Variants in GARNL3 observed in about 807,000 individuals in gnomAD.
GARNL3 encodes GTPase activating Rap/RanGAP domain like 3.
In GARNL3, 63 loss-of-function variants were observed where a neutral mutation model predicts 125.0. That is an observed-to-expected ratio of 0.50 (90% CI 0.41 to 0.62). The LOEUF is 0.62. Ranked by LOEUF, GARNL3 falls within the 20% of genes least tolerant of loss-of-function variation. The pLI, the probability that GARNL3 is intolerant of heterozygous loss-of-function variation, is 0.00. For synonymous variants in GARNL3, 439 were observed against 457.5 expected, an observed-to-expected ratio of 0.96 and a Z score of 0.52; for missense variants, 994 against 1,244.0, an observed-to-expected ratio of 0.80 and a Z score of 3.02.
chr9:127,365,705 G>A (rs1260975393), intron 22 of GARNL3, among the ~76,000 whole-genome samples: 6 of 152,100 alleles, frequency 3.9e-5, no homozygotes, highest in Non-Finnish European at 5.9e-5. Context: ...ATGAATGCCC[G>A]CAGCAGGCTC....
chr9:127,236,360 C>G (rs2063112758), intron 1 of GARNL3, among the ~76,000 whole-genome samples: 1 of 152,198 alleles, frequency 6.6e-6, no homozygotes, highest in African/African-American at 2.4e-5. Flanking sequence ...TGAAAAGACT[C>G]AAAACAATGC....
chr9:127,371,240 C>T (rs546560089), intron 22 of GARNL3, among the ~76,000 whole-genome samples: 3 of 152,294 alleles, frequency 2.0e-5, no homozygotes, highest in Admixed American at 6.5e-5. Context: ...ACTTTGGCTC[C>T]GTCTTAGAGC....
At chr9:127,377,314 A>G (rs999292212) in intron 22 of GARNL3, among the ~76,000 whole-genome samples, 3 of 146,192 alleles carry the variant, frequency 2.1e-5, no homozygotes, top group African/African-American at 7.3e-5. Flanking sequence ...ATTTTTTTAA[A>G]GATAACGTTA....
chr9:127,360,438 G>A (rs7028520), intron 21 of GARNL3, among the ~76,000 whole-genome samples: 92,917 of 151,914 alleles, frequency 0.61, 29,212 homozygotes, highest in East Asian at 0.79. Flanking sequence ...CAGCAGGCAC[G>A]GTGCAGTGCA....
upstream of GARNL3, among the ~76,000 whole-genome samples, chr9:127,262,233 A>T (rs2063609139): frequency 6.6e-6 from 1 of 152,214 alleles, no homozygotes; most frequent in Admixed American, 6.5e-5. Context: ...CTCAAATTCT[A>T]CCTGATTAAC....
rs533100571 is a variant in GARNL3, at chr9:127,266,884, G to C, written c.144+1863G>C. Among the ~76,000 whole-genome samples, 13 of 152,260 alleles carry C rather than the reference G, an allele frequency of 8.5e-5. No homozygotes were observed. The highest frequency in any genetic ancestry group is 1.6e-4 in the Non-Finnish European group (11 of 68,018). Reference sequence around the variant, plus strand: ...TGAAAGATGGACTCTTTAAAGATGTGGGGAAATCACAGAATATCAGAATGG... The same window carrying C: ...TGAAAGATGGACTCTTTAAAGATGTCGGGAAATCACAGAATATCAGAATGG... On this transcript the variant is annotated intron_variant, in intron 1 of 27. Transcript: ENST00000373387. This position sits in a 1 kb window ranked among gnomAD's most constrained non-coding sequence, Gnocchi z 4.0.
chr9:127,309,042 A>G (rs1278389103), intron 2 of GARNL3, among the ~76,000 whole-genome samples: 1 of 152,248 alleles, frequency 6.6e-6, no homozygotes, highest in African/African-American at 2.4e-5. Context: ...AAAAATTCAT[A>G]TGTATGTAGC....
rs79441987 is a variant in GARNL3 at position 127,287,538 on chromosome 9, C to T, written c.145-3630C>T. ...CACTTTCTCCTTTCACAGCAGCTGA[C>T]GTACTGGTCTTCATCAGGCCCCAGC... On this transcript the variant is annotated intron_variant, in intron 1 of 27. Coordinates refer to ENST00000373387, the MANE Select transcript of GARNL3 (RefSeq NM_032293.5). Among the ~76,000 whole-genome samples, 38 of 152,334 alleles carry T rather than the reference C, an allele frequency of 2.5e-4. No individual in the cohort carries two copies. The East Asian group carries it at 5.8e-3, about 23-fold the overall frequency.
intron 16 of GARNL3, among the ~76,000 whole-genome samples, chr9:127,348,550 T>C (rs1830262985): frequency 6.6e-6 from 1 of 152,236 alleles, no homozygotes; most frequent in South Asian, 2.1e-4. Flanking sequence ...TGGGACTTCC[T>C]TTAATGATGA....
At chr9:127,370,960 G>A (rs1274176204) in intron 22 of GARNL3, among the ~76,000 whole-genome samples, 3 of 152,136 alleles carry the variant, frequency 2.0e-5, no homozygotes, top group African/African-American at 4.8e-5. Context: ...CAGCTCAAGG[G>A]CACCTCGGAC....
rs185777610 is a variant in GARNL3 at position 127,299,671 on chromosome 9, T to C, written c.219+8429T>C. 4.2e-3 allele frequency among the ~76,000 whole-genome samples: 644 copies of C among 152,096 alleles called. 6 individuals are homozygous for C. The highest frequency in any genetic ancestry group is 0.015 in the African/African-American group (621 of 41,510). ...CTGCAAGCTCCGCCTCCCGGGTTCA[T>C]GCCATTCTCCTGCCTCAGCCTCCCA... On this transcript the variant is annotated intron_variant, in intron 2 of 27. Coordinates refer to ENST00000373387, the MANE Select transcript of GARNL3 (RefSeq NM_032293.5).
chr9:127,239,410 C>T (rs937254171), intron 1 of GARNL3, among the ~76,000 whole-genome samples: 2 of 152,170 alleles, frequency 1.3e-5, no homozygotes, highest in African/African-American at 4.8e-5. Context: ...CTTCAGGACA[C>T]GCCAGGTCAT....
Position 127,387,210 on chromosome 9 carries a change from A to C in GARNL3, c.2406A>C (p.Thr802=), listed in dbSNP as rs1487628774. 1.2e-6 allele frequency: 2 copies of C among 1,613,466 alleles called. No individual in the cohort carries two copies. The highest frequency in any genetic ancestry group is 1.7e-6 in the Non-Finnish European group (2 of 1,179,846). The part of the protein sequence containing the change: ...LVASRSDIYF[T]ATAAVNEVSS... The stretch of plus-strand genomic sequence containing the variant: ...CTTTCTAGTCGGATATATACTTCAC[A>C]GCAACTGCAGCTGTGAATGAGGTCT... The change falls in exon 25 of 28, where the codon ACA becomes ACC. Residue 802 remains threonine (T), a synonymous_variant. Transcript: ENST00000373387.
chr9:127,328,357 T>C (rs1829014524), intron 7 of GARNL3, among the ~76,000 whole-genome samples: 1 of 152,182 alleles, frequency 6.6e-6, no homozygotes, highest in African/African-American at 2.4e-5. Flanking sequence ...GCTTCTCAAC[T>C]GGGATAAATT....
chr9:127,392,991 T>G lies in GARNL3; in HGVS notation c.2871-92T>G, dbSNP rs1832947468. ...GTGAGGGTTTGGTGAGCCAAACTCA[T>G]GAGCTCAGATGAGCAGGAAATTGCC... On this transcript the variant is annotated intron_variant, in intron 27 of 27. Transcript: ENST00000373387. The surrounding 1 kb of genome is among the most constrained non-coding windows in gnomAD (Gnocchi z 5.2). 2.8e-6 allele frequency: 3 copies of G among 1,061,384 alleles called. No individual in the cohort carries two copies. The highest frequency in any genetic ancestry group is 3.2e-5 in the African/African-American group (2 of 63,314). 65.7% of individuals were successfully genotyped at this position (1,061,384 alleles called of 1,614,324 possible).
chr9:127,306,885 A>G (rs556823915), intron 2 of GARNL3, among the ~76,000 whole-genome samples: 12 of 152,254 alleles, frequency 7.9e-5, no homozygotes, highest in Admixed American at 7.2e-4. Context: ...ACTCCGTCTC[A>G]ACAAAAAATA....
chr9:127,315,704 A>C (rs541066448), intron 4 of GARNL3, among the ~76,000 whole-genome samples: 3 of 152,282 alleles, frequency 2.0e-5, no homozygotes, highest in South Asian at 4.1e-4. Flanking sequence ...TCTACTCTAC[A>C]CAGTCTTGCA....
intron 11 of GARNL3, 70 bp from the exon 12 acceptor site, chr9:127,338,046 G>C: frequency 8.7e-7 from 1 of 1,148,640 alleles, no homozygotes; most frequent in Non-Finnish European, 1.3e-6. Context: ...CTGCACAAGG[G>C]ATTTTCAGAG....
intron 2 of GARNL3, among the ~76,000 whole-genome samples, chr9:127,291,764 C>T (rs1157299582): frequency 8.3e-6 from 1 of 119,974 alleles, no homozygotes; most frequent in African/African-American, 3.1e-5. Flanking sequence ...ACTACCCTCT[C>T]TATCCCACGG....
Sources: allele counts gnomAD v4.1 joint callset (sites outside exome capture counted in the v4.1 genomes callset), GRCh38; gene constraint gnomAD v4.1.1; non-coding constraint Gnocchi (gnomAD v3.1); transcripts MANE v1.5; gene names NCBI Gene and HGNC (gene_info 2026-07-23, HGNC 2026-07-21).